Variants in MARCHF5 observed in about 807,000 individuals in gnomAD.
The protein encoded by MARCHF5 is E3 ubiquitin-protein ligase MARCHF5.
A neutral mutation model predicts 36.5 loss-of-function variants in MARCHF5; 5 were observed. That is an observed-to-expected ratio of 0.14 (90% CI 0.07 to 0.29). MARCHF5 has a LOEUF of 0.29. Among genes scored for constraint, MARCHF5 ranks in the 10% least tolerant of loss-of-function variants. The probability of loss-of-function intolerance (pLI) is 1.00; values close to 1 mark genes in which losing one functional copy is unlikely to be tolerated. For synonymous variants in MARCHF5, 103 were observed against 109.9 expected, an observed-to-expected ratio of 0.94 and a Z score of 0.39; for missense variants, 179 against 336.3, an observed-to-expected ratio of 0.53 and a Z score of 3.66.
chr10:92,316,057 C>CT (rs1358112327), intron 2 of MARCHF5, among the ~76,000 whole-genome samples: 2 of 152,128 alleles, frequency 1.3e-5, no homozygotes, highest in African/African-American at 4.8e-5. Context: ...CCCAAAGACA[C>CT]TTGATAAACA....
chr10:92,322,255 A>G lies in MARCHF5; in HGVS notation c.238+10918A>G, dbSNP rs976384816. ...GCGAAACTCCGTCTCAAAAAAAAAA[A>G]AAAAAAAAAAAAAAAAAGATTTGTC... On this transcript the variant is annotated intron_variant, in intron 2 of 5. Coordinates refer to ENST00000358935, the MANE Select transcript of MARCHF5 (RefSeq NM_017824.5). Among the ~76,000 whole-genome samples the G allele has an allele frequency of 2.1e-4, 31 of 147,114 alleles. No individual in the cohort carries two copies. The South Asian group carries it at 6.5e-3, about 31-fold the overall frequency.
chr10:92,320,626 G>C (rs2135195252), intron 2 of MARCHF5, among the ~76,000 whole-genome samples: 1 of 151,460 alleles, frequency 6.6e-6, no homozygotes, highest in African/African-American at 2.4e-5. Flanking sequence ...AGTTTAAAAA[G>C]TAAGAATAAT....
At chr10:92,336,069 C>G (rs1843498936) in intron 2 of MARCHF5, among the ~76,000 whole-genome samples, 2 of 152,182 alleles carry the variant, frequency 1.3e-5, no homozygotes, top group South Asian at 4.1e-4. Flanking sequence ...GAGTTTCGCT[C>G]TTGTTGCCCA....
At chr10:92,335,231 C>A (rs1843489187) in intron 2 of MARCHF5, among the ~76,000 whole-genome samples, 1 of 152,148 alleles carries the variant, frequency 6.6e-6, no homozygotes, top group South Asian at 2.1e-4. Context: ...AATCTGACAG[C>A]AATAAGAATC....
chr10:92,318,657 A>T (rs1183090298), intron 2 of MARCHF5, among the ~76,000 whole-genome samples: 1 of 151,308 alleles, frequency 6.6e-6, no homozygotes, highest in South Asian at 2.1e-4. Context: ...AAAAAAACAG[A>T]CATCCTTATC....
At chr10:92,311,370 G>A in intron 2 of MARCHF5, 33 bp downstream of exon 2, 1 of 1,398,826 alleles carries the variant, frequency 7.1e-7, no homozygotes, top group Non-Finnish European at 9.9e-7. Context: ...CACAGATATA[G>A]TTGATGTTAT....
At chr10:92,297,579 C>T (rs916331372) in intron 1 of MARCHF5, among the ~76,000 whole-genome samples, 2 of 150,702 alleles carry the variant, frequency 1.3e-5, no homozygotes, top group African/African-American at 4.9e-5. Flanking sequence ...GCAACCTCCA[C>T]CTCCTGAGTT....
At chr10:92,349,270 C>T in intron 3 of MARCHF5, 79 bp from the exon 4 acceptor site, 4 of 1,071,456 alleles carry the variant, frequency 3.7e-6, no homozygotes, top group Non-Finnish European at 3.9e-6. Flanking sequence ...TAAGCATTTT[C>T]TATTAAAAAA....
chr10:92,298,570 T>G (rs1842974786), intron 1 of MARCHF5, among the ~76,000 whole-genome samples: 1 of 152,188 alleles, frequency 6.6e-6, no homozygotes, highest in Non-Finnish European at 1.5e-5. Flanking sequence ...AACATAAATT[T>G]TATTTGTTTG....
At chr10:92,348,049 G>A (rs1843675732) in intron 3 of MARCHF5, among the ~76,000 whole-genome samples, 1 of 151,886 alleles carries the variant, frequency 6.6e-6, no homozygotes, top group African/African-American at 2.4e-5. Context: ...TGGGCGTGGA[G>A]GTGCACACCT....
intron 2 of MARCHF5, among the ~76,000 whole-genome samples, chr10:92,337,897 G>T (rs76831693): frequency 0.022 from 3,403 of 151,830 alleles, 114 homozygotes; most frequent in African/African-American, 0.078. Flanking sequence ...TACCAGGCCA[G>T]GCATGGTGGT....
chr10:92,303,348 C>T (rs1043322416), intron 1 of MARCHF5, among the ~76,000 whole-genome samples: 1 of 152,190 alleles, frequency 6.6e-6, no homozygotes, highest in Non-Finnish European at 1.5e-5. Context: ...CATCTCTAAG[C>T]TTGCTTACTC....
intron 2 of MARCHF5, among the ~76,000 whole-genome samples, chr10:92,321,836 A>G (rs1465652921): frequency 6.6e-6 from 1 of 152,120 alleles, no homozygotes; most frequent in Non-Finnish European, 1.5e-5. Context: ...AGTTATTTAT[A>G]GTATTTTTTA....
At chr10:92,341,594 T>G (rs559546722) in intron 3 of MARCHF5, among the ~76,000 whole-genome samples, 4 of 152,258 alleles carry the variant, frequency 2.6e-5, no homozygotes, top group African/African-American at 4.8e-5. Context: ...ATCAACTTAG[T>G]TTTTTTGTGT....
At chr10:92,349,567 C>CA in intron 4 of MARCHF5, 35 bp downstream of exon 4, 1 of 1,597,626 alleles carries the variant, frequency 6.3e-7, no homozygotes. Context: ...AAGTGCATAC[C>CA]AAATTGATCT....
chr10:92,308,042 A>G (rs893422414), intron 1 of MARCHF5, among the ~76,000 whole-genome samples: 6 of 150,228 alleles, frequency 4.0e-5, no homozygotes, highest in African/African-American at 1.5e-4. Flanking sequence ...CTGGGTTCAC[A>G]CCATTCTCCT....
At chr10:92,293,162 T>G (rs1370088397) in intron 1 of MARCHF5, among the ~76,000 whole-genome samples, 1 of 152,040 alleles carries the variant, frequency 6.6e-6, no homozygotes, top group Non-Finnish European at 1.5e-5. Context: ...GGCAGTGGCA[T>G]TGGCATGATC....
chr10:92,324,265 A>G (rs2135198832), intron 2 of MARCHF5, among the ~76,000 whole-genome samples: 2 of 152,280 alleles, frequency 1.3e-5, no homozygotes, highest in South Asian at 4.2e-4. Flanking sequence ...GATATTTTGG[A>G]TAAAAGTTCT....
At chr10:92,320,400 G>A (rs1205108742) in intron 2 of MARCHF5, among the ~76,000 whole-genome samples, 1 of 151,964 alleles carries the variant, frequency 6.6e-6, no homozygotes, top group Non-Finnish European at 1.5e-5. Context: ...TACTTAAAAA[G>A]TAACTGTAAA....
Sources: gnomAD v4.1 joint callset for allele counts (sites outside exome capture counted in the v4.1 genomes callset) on GRCh38, gnomAD v4.1.1 for gene constraint, MANE v1.5 for transcripts, NCBI Gene and HGNC (gene_info 2026-07-23, HGNC 2026-07-21) for gene names.